ABT1: variants seen among roughly 807,000 people sequenced by gnomAD.
ABT1 encodes TATA-binding protein-binding protein.
A neutral mutation model predicts 14.0 loss-of-function variants in ABT1; 13 were observed. That is an observed-to-expected ratio of 0.93 (90% CI 0.61 to 1.48). The LOEUF (loss-of-function observed/expected upper bound fraction) is 1.48, where lower values mean the gene tolerates loss of function less well. ABT1 is among the 40% of genes most tolerant of loss of function. ABT1 has a pLI of 0.00. For missense variants in ABT1, 430 were observed against 380.0 expected, an observed-to-expected ratio of 1.13 and a Z score of -1.09; for synonymous variants, 165 against 144.6, an observed-to-expected ratio of 1.14 and a Z score of -1.01.
intron 1 of ABT1, 53 bp downstream of exon 1, chr6:26,597,276 G>C: frequency 2.5e-6 from 4 of 1,593,962 alleles, no homozygotes; most frequent in Non-Finnish European, 3.4e-6. Flanking sequence ...TCGCTGGCGG[G>C]GTGCAAGCAT....
intron 1 of ABT1, 60 bp downstream of exon 1, chr6:26,597,283 G>A (rs1764915118): frequency 6.3e-7 from 1 of 1,590,032 alleles, no homozygotes; most frequent in Admixed American, 1.7e-5. Flanking sequence ...CGGGGTGCAA[G>A]CATGCATGTC....
Position 26,597,088 on chromosome 6 carries a change from G to T in ABT1, c.106G>T (p.Ala36Ser). The change falls in exon 1 of 3, where the codon GCC becomes TCC. Residue 36 changes from alanine to serine, a missense_variant. Physicochemically the swap from Ala to Ser is moderately conservative, Grantham distance 99. Transcript: ENST00000274849. Reference protein sequence around the residue: ...EEEQEESEEAACGSKKRVVPG... With the variant: ...EEEQEESEEASCGSKKRVVPG... Reference sequence around the variant, plus strand: ...GGAGCAGGAGGAATCCGAAGAAGCGGCCTGTGGCAGCAAGAAACGGGTAGT... The same window carrying T: ...GGAGCAGGAGGAATCCGAAGAAGCGTCCTGTGGCAGCAAGAAACGGGTAGT... 1.2e-6 allele frequency: 2 copies of T among 1,614,082 alleles called. No homozygotes were observed. Among genetic ancestry groups the T allele is most frequent in the Non-Finnish European group, 1.7e-6 (2 of 1,179,998 alleles).
intron 2 of ABT1, 36 bp from the exon 3 acceptor site, chr6:26,598,229 G>A: frequency 1.3e-6 from 2 of 1,593,408 alleles, no homozygotes; most frequent in African/African-American, 2.7e-5. Context: ...TCCCTAATCT[G>A]CACTATCCTG....
In ABT1 at chr6:26,597,909, C is replaced by T. The variant is rs782612332; in HGVS notation, c.242-5C>T. 6 of 1,607,440 alleles carry T rather than the reference C, an allele frequency of 3.7e-6. No individual in the cohort carries two copies. The highest frequency in any genetic ancestry group is 4.5e-5 in the East Asian group (2 of 44,738). On this transcript the variant is annotated splice_region_variant and splice_polypyrimidine_tract_variant and intron_variant, in intron 1 of 2. Transcript: ENST00000274849. Reference sequence around the variant, plus strand: ...CCTGGACGGGTCTTTGTCTTTGGCGCGCAGACCGGTTCGTGAGACGCAAGA... The same window carrying T: ...CCTGGACGGGTCTTTGTCTTTGGCGTGCAGACCGGTTCGTGAGACGCAAGA...
At chr6:26,597,360 T>G in intron 1 of ABT1, 137 bp downstream of exon 1, 2 of 1,039,390 alleles carry the variant, frequency 1.9e-6, no homozygotes, top group Non-Finnish European at 1.3e-6. Context: ...GTGCGGTGCT[T>G]GGCTCCTGGC....
Position 26,600,561 on chromosome 6 carries a change from A to G in ABT1, c.*1916A>G, listed in dbSNP as rs782467515. On this transcript the variant is annotated 3_prime_UTR_variant, in exon 3 of 3. Transcript: ENST00000274849. ...GGAATGAGAATAAATGGGTGGAAGA[A>G]AATATCCTAGGAACTTTCATCTTGA... The G allele has an allele frequency of 6.6e-6, 1 of 152,238 alleles. No homozygotes were observed. Among genetic ancestry groups the G allele is most frequent in the Non-Finnish European group, 1.5e-5 (1 of 68,032 alleles). The allele number at this position is 152,238 out of a possible 1,614,324, so 9.4% of individuals were successfully genotyped here.
chr6:26,599,351 T>C lies in ABT1; in HGVS notation c.*706T>C, dbSNP rs1156565057. ...TCTTAAGTCAGCATTTTCTAAGCCA[T>C]TGTTTGAGGAAACAGTGACAATAGG... On this transcript the variant is annotated 3_prime_UTR_variant, in exon 3 of 3. Transcript: ENST00000274849. 6.6e-6 allele frequency: 1 copy of C among 152,214 alleles called. No individual in the cohort carries two copies. The highest frequency in any genetic ancestry group is 2.4e-5 in the African/African-American group (1 of 41,454). The allele number at this position is 152,214 out of a possible 1,614,324, so 9.4% of individuals were successfully genotyped here.
Position 26,598,375 on chromosome 6 carries a change from C to T in ABT1, c.549C>T (p.Asp183=), listed in dbSNP as rs1242995121. 2 of 1,614,144 alleles carry T rather than the reference C, an allele frequency of 1.2e-6. No individual in the cohort carries two copies. The highest frequency in any genetic ancestry group is 1.3e-5 in the African/African-American group (1 of 74,950). Residue 183 remains aspartate (D), a synonymous_variant, in exon 3 of 3, where the codon GAC becomes GAT. Coordinates refer to ENST00000274849, the MANE Select transcript of ABT1 (RefSeq NM_013375.4). ...TTGCTCAAGCCAAGCGTGAGACCGA[C>T]TTCTATCTTCAAAGTGTGGAACGGG... is the stretch of plus-strand genomic sequence containing the variant. ...AEVAQAKRET[D]FYLQSVERGQ...
chr6:26,599,455 G>C lies in ABT1; in HGVS notation c.*810G>C, dbSNP rs556703191. On this transcript the variant is annotated 3_prime_UTR_variant, in exon 3 of 3. Transcript: ENST00000274849. The stretch of plus-strand genomic sequence containing the variant: ...ATCGTGGTAGATGCATATAAAGGGT[G>C]GAATGGGAGCCATGGCAGGTCATAG... 1.6e-4 allele frequency: 24 copies of C among 152,302 alleles called. No individual in the cohort carries two copies. The highest frequency in any genetic ancestry group is 5.8e-4 in the African/African-American group (24 of 41,560). The allele number at this position is 152,302 out of a possible 1,614,324, so 9.4% of individuals were successfully genotyped here.
rs1554144796 is a variant in ABT1, at chr6:26,598,401, G to A, written c.575G>A (p.Gly192Glu). Residue 192 changes from glycine to glutamate, a missense_variant, in exon 3 of 3, where the codon GGA becomes GAA. Transcript: ENST00000274849. The part of the protein sequence containing the change: ...TDFYLQSVER[G>E]QRFLAADGDP... ...TTCTATCTTCAAAGTGTGGAACGGGGACAACGCTTTCTTGCGGCCGATGGG... is the reference window on the plus strand; with the variant it reads ...TTCTATCTTCAAAGTGTGGAACGGGAACAACGCTTTCTTGCGGCCGATGGG... 2 of 1,614,264 alleles carry A rather than the reference G, an allele frequency of 1.2e-6. No individual in the cohort carries two copies. The highest frequency in any genetic ancestry group is 2.2e-5 in the South Asian group (2 of 91,090).
chr6:26,598,619 G>T lies in ABT1; in HGVS notation c.793G>T (p.Gly265Ter), dbSNP rs782639915. ...GAPPPSESMEGPSLVRDS is the reference protein window; with the variant it reads ...GAPPPSESME ...CCCGCCACCCTCAGAGAGCATGGAG[G>T]GACCTTCCCTTGTCAGGGACTCCTG... The change falls in exon 3 of 3, where the codon GGA (glycine) becomes TGA (stop). Residue 265 changes from glycine (G) to a stop codon, truncating the protein, a stop_gained. Transcript: ENST00000274849. LOFTEE classifies it high-confidence loss of function. 16 of 1,575,726 alleles carry T rather than the reference G, an allele frequency of 1.0e-5. No individual in the cohort carries two copies. Among genetic ancestry groups the T allele is most frequent in the Non-Finnish European group, 1.3e-5 (15 of 1,156,400 alleles).
chr6:26,597,165 C>T lies in ABT1; in HGVS notation c.183C>T (p.His61=), dbSNP rs377045670. The change falls in exon 1 of 3, where the codon CAC becomes CAT. Residue 61 remains histidine, a synonymous_variant. Coordinates refer to ENST00000274849, the MANE Select transcript of ABT1 (RefSeq NM_013375.4). ...GHIPPRFRPL[H]VRNLLSAYGE... ...TCCCGCCGCGCTTCCGGCCCCTGCA[C>T]GTCCGCAACCTTCTCAGCGCCTATG... is the stretch of plus-strand genomic sequence containing the variant. 3 of 1,614,256 alleles carry T rather than the reference C, an allele frequency of 1.9e-6. No individual in the cohort carries two copies. Among genetic ancestry groups the T allele is most frequent in the East Asian group, 2.2e-5 (1 of 44,884 alleles).
In ABT1 at chr6:26,599,261, T is replaced by A. The variant is rs1764946251; in HGVS notation, c.*616T>A. 6.6e-6 allele frequency: 1 copy of A among 152,186 alleles called. No individual in the cohort carries two copies. Among genetic ancestry groups the A allele is most frequent in the African/African-American group, 2.4e-5 (1 of 41,432 alleles). 9.4% of individuals were successfully genotyped at this position (152,186 alleles called of 1,614,324 possible). A position where few individuals can be genotyped will look rare whatever the true frequency, so the allele number is the denominator to read the frequency against. On this transcript the variant is annotated 3_prime_UTR_variant, in exon 3 of 3. Coordinates refer to ENST00000274849, the MANE Select transcript of ABT1 (RefSeq NM_013375.4). The stretch of plus-strand genomic sequence containing the variant: ...TCCCCCTGCCACCCACCTTACTGTT[T>A]AACCTGGATTTTTTTTTCTATTTAA...
At position 26,598,818 on chromosome 6, in the gene ABT1, T is replaced by C. The variant is rs1387353091; in HGVS notation, c.*173T>C. On this transcript the variant is annotated 3_prime_UTR_variant, in exon 3 of 3. Transcript: ENST00000274849. ...TTCCACTGTCCCCACTCCGAACTCCTGTATGTGCCTGGCTGAGTCACCTAA... is the reference window on the plus strand; with the variant it reads ...TTCCACTGTCCCCACTCCGAACTCCCGTATGTGCCTGGCTGAGTCACCTAA... 2 of 735,806 alleles carry C rather than the reference T, an allele frequency of 2.7e-6. No individual in the cohort carries two copies. Among genetic ancestry groups the C allele is most frequent in the Non-Finnish European group, 4.1e-6 (2 of 481,964 alleles). 45.6% of individuals were successfully genotyped at this position (735,806 alleles called of 1,614,324 possible).
Position 26,597,237 on chromosome 6 carries a change from C to T in ABT1, c.241+14C>T. 9 of 1,610,800 alleles carry T rather than the reference C, an allele frequency of 5.6e-6. No individual in the cohort carries two copies. Among genetic ancestry groups the T allele is most frequent in the Non-Finnish European group, 7.6e-6 (9 of 1,177,648 alleles). On this transcript the variant is annotated intron_variant, in intron 1 of 2. Transcript: ENST00000274849. ...TTCAGGCTGAGGGTAAGTATGCAGG[C>T]CCTGACGGTGACAGGAGGAGGTTGT...
intron 1 of ABT1, among the ~76,000 whole-genome samples, chr6:26,597,594 C>G (rs1390520508): frequency 6.6e-6 from 1 of 152,192 alleles, no homozygotes; most frequent in African/African-American, 2.4e-5. Context: ...GAACATAACT[C>G]TTTAGCATTG....
At position 26,598,840 on chromosome 6, in the gene ABT1, C is replaced by T; in HGVS notation, c.*195C>T. On this transcript the variant is annotated 3_prime_UTR_variant, in exon 3 of 3. Transcript: ENST00000274849. ...TCCTGTATGTGCCTGGCTGAGTCAC[C>T]TAATTCATACTGTCATACTAGCATA... is the stretch of plus-strand genomic sequence containing the variant. 2 of 588,650 alleles carry T rather than the reference C, an allele frequency of 3.4e-6. No homozygotes were observed. The highest frequency in any genetic ancestry group is 1.8e-5 in the African/African-American group (1 of 54,326). 36.5% of individuals were successfully genotyped at this position (588,650 alleles called of 1,614,324 possible).
At position 26,598,657 on chromosome 6, in the gene ABT1, G is replaced by T; in HGVS notation, c.*12G>T. 1 of 1,526,244 alleles carries T rather than the reference G, an allele frequency of 6.6e-7. No individual in the cohort carries two copies. The highest frequency in any genetic ancestry group is 1.3e-5 in the South Asian group (1 of 78,470). 94.5% of individuals were successfully genotyped at this position (1,526,244 alleles called of 1,614,324 possible). ...TCAGGGACTCCTGAGGGCCTGGGTG[G>T]CCCCTTCCATTTCCTGGCCCTGCTC... On this transcript the variant is annotated 3_prime_UTR_variant, in exon 3 of 3. Coordinates refer to ENST00000274849, the MANE Select transcript of ABT1 (RefSeq NM_013375.4).
Position 26,596,975 on chromosome 6 carries a change from C to T in ABT1, c.-8C>T, listed in dbSNP as rs1005200017. Reference sequence around the variant, plus strand: ...TTTACGGCCGTCGTGCCGCTCGTGTCAGTCAACATGGAGGCAGAGGAATCG... The same window carrying T: ...TTTACGGCCGTCGTGCCGCTCGTGTTAGTCAACATGGAGGCAGAGGAATCG... On this transcript the variant is annotated 5_prime_UTR_variant, in exon 1 of 3. Transcript: ENST00000274849. The T allele has an allele frequency of 6.2e-7, 1 of 1,607,946 alleles. No homozygotes were observed. The highest frequency in any genetic ancestry group is 1.3e-5 in the African/African-American group (1 of 74,980).
Sources: allele counts gnomAD v4.1 joint callset (sites outside exome capture counted in the v4.1 genomes callset), GRCh38; gene constraint gnomAD v4.1.1; transcripts MANE v1.5; gene names NCBI Gene and HGNC (gene_info 2026-07-23, HGNC 2026-07-21).